AZIN2: variants seen among roughly 807,000 people sequenced by gnomAD.
AZIN2 encodes the protein antizyme inhibitor 2.
In AZIN2, 28 loss-of-function variants were observed where a neutral mutation model predicts 47.8. The observed-to-expected ratio is 0.59, with a 90% CI of 0.43 to 0.80. The LOEUF (loss-of-function observed/expected upper bound fraction) is 0.80. Among genes scored for constraint, AZIN2 ranks in the 30% least tolerant of loss-of-function variants. The probability of loss-of-function intolerance (pLI) is 0.00; values close to 1 mark genes in which losing one functional copy is unlikely to be tolerated. For synonymous variants in AZIN2, 221 were observed against 239.4 expected (o/e 0.92, Z 0.71); for missense variants, 535 against 582.5 (o/e 0.92, Z 0.84).
the AZIN2 span, chr1:33,147,452 C>T: frequency 1.2e-5 from 19 of 1,613,880 alleles, no homozygotes; most frequent in African/African-American, 1.3e-5. This position sits in a 1 kb window ranked among gnomAD's most constrained non-coding sequence, Gnocchi z 8.1. Flanking sequence ...CAGTAGAAGC[C>T]GCGGCTGGGC....
chr1:33,098,487 C>T (rs1643390168), intron 10 of AZIN2, among the ~76,000 whole-genome samples: 1 of 152,118 alleles, frequency 6.6e-6, no homozygotes, highest in Admixed American at 6.5e-5. Context: ...GTATTTTAAC[C>T]AATCTAACTC....
the AZIN2 span, among the ~76,000 whole-genome samples, chr1:33,158,805 C>T: frequency 6.6e-6 from 1 of 152,004 alleles, no homozygotes; most frequent in Non-Finnish European, 1.5e-5. Flanking sequence ...CCTTGGCCAA[C>T]TGATGTAGCT....
At position 33,121,108 on chromosome 1, in the gene AZIN2, A is replaced by T. The variant is rs774825310; in HGVS notation, c.*926A>T. ...CTTATCAGGACAAAGGCTCCTTCACACTGCCGGGTTCCCAAATTATGCCCC... is the reference window on the plus strand; with the variant it reads ...CTTATCAGGACAAAGGCTCCTTCACTCTGCCGGGTTCCCAAATTATGCCCC... On this transcript the variant is annotated 3_prime_UTR_variant, in exon 12 of 12. Transcript: ENST00000294517. Among the ~76,000 whole-genome samples, 3 of 152,124 alleles carry T rather than the reference A, an allele frequency of 2.0e-5. No homozygotes were observed. Among genetic ancestry groups the T allele is most frequent in the Admixed American group, 1.3e-4 (2 of 15,278 alleles).
At chr1:33,158,168 G>A in the AZIN2 span, 5 of 1,261,926 alleles carry the variant, frequency 4.0e-6, no homozygotes, top group East Asian at 7.0e-5. Context: ...CACCCCAACT[G>A]CCCCATGCTG....
At chr1:33,148,947 CTT>C in the AZIN2 span, among the ~76,000 whole-genome samples, 1 of 152,322 alleles carries the variant, frequency 6.6e-6, no homozygotes, top group South Asian at 2.1e-4. Flanking sequence ...AGCGCCAGTC[CTT>C]TCTCCCAGCC....
the AZIN2 span, among the ~76,000 whole-genome samples, chr1:33,151,135 A>G: frequency 6.6e-6 from 1 of 152,006 alleles, no homozygotes; most frequent in Admixed American, 6.5e-5. Flanking sequence ...GAGGGAGACA[A>G]GGGGGCTCTC....
chr1:33,090,879 A>G (rs1455694525), intron 5 of AZIN2, among the ~76,000 whole-genome samples: 2 of 152,296 alleles, frequency 1.3e-5, no homozygotes, highest in African/African-American at 4.8e-5. Flanking sequence ...GCCCTTGGCA[A>G]CCACCATTCT....
At chr1:33,086,681 C>G (rs556862875) in intron 5 of AZIN2, among the ~76,000 whole-genome samples, 2 of 152,238 alleles carry the variant, frequency 1.3e-5, no homozygotes, top group African/African-American at 4.8e-5. Flanking sequence ...TGCTCGGGGA[C>G]TCTGGTCTAC....
intron 10 of AZIN2, among the ~76,000 whole-genome samples, chr1:33,107,852 C>T (rs1644091377): frequency 6.6e-6 from 1 of 152,030 alleles, no homozygotes; most frequent in South Asian, 2.1e-4. Flanking sequence ...GAAAGATACC[C>T]CATGTTTGTG....
In AZIN2 at chr1:33,121,712, G is replaced by A. The variant is rs1644798843; in HGVS notation, c.*1530G>A. On this transcript the variant is annotated 3_prime_UTR_variant, in exon 12 of 12. Coordinates refer to ENST00000294517, the MANE Select transcript of AZIN2 (RefSeq NM_052998.4). Reference sequence around the variant, plus strand: ...CCATTTTTCCCATTCCCCAGTCCCTGATGACACAAATCTACCTTCCATCTC... The same window carrying A: ...CCATTTTTCCCATTCCCCAGTCCCTAATGACACAAATCTACCTTCCATCTC... Among the ~76,000 whole-genome samples, 1 of 152,198 alleles carries A rather than the reference G, an allele frequency of 6.6e-6. No homozygotes were observed. The highest frequency in any genetic ancestry group is 1.5e-5 in the Non-Finnish European group (1 of 68,028).
chr1:33,129,545 T>G, the AZIN2 span, among the ~76,000 whole-genome samples: 1 of 152,206 alleles, frequency 6.6e-6, no homozygotes, highest in African/African-American at 2.4e-5. The surrounding 1 kb of genome is among the most constrained non-coding windows in gnomAD (Gnocchi z 4.1). Flanking sequence ...GCATTGTGCA[T>G]GCACTCAGCT....
At chr1:33,158,280 TC>T in the AZIN2 span, 4 of 1,614,038 alleles carry the variant, frequency 2.5e-6, no homozygotes, top group South Asian at 4.4e-5. Flanking sequence ...AACAGGGACT[TC>T]CAGATGGTGT....
downstream of AZIN2, among the ~76,000 whole-genome samples, chr1:33,126,448 G>A (rs935802730): frequency 6.6e-6 from 1 of 152,154 alleles, no homozygotes; most frequent in African/African-American, 2.4e-5. Flanking sequence ...ACTTTCTAGT[G>A]TGATCTGGAA....
In AZIN2 at chr1:33,098,114, G is replaced by T. The variant is rs146499641; in HGVS notation, c.964G>T (p.Gly322Cys). 1.9e-6 allele frequency: 3 copies of T among 1,614,062 alleles called. No individual in the cohort carries two copies. The African/African-American group carries it at 4.0e-5, about 22-fold the overall frequency. ...GACCATCGTGTACCACCTTGATGAGGGCGTGTATGGGATCTTCAACTCAGT... is the reference window on the plus strand; with the variant it reads ...GACCATCGTGTACCACCTTGATGAGTGCGTGTATGGGATCTTCAACTCAGT... ...SKTIVYHLDE[G>C]VYGIFNSVLF... Residue 322 changes from glycine (G) to cysteine (C), a missense_variant, in exon 10 of 12, where the codon GGC (glycine) becomes TGC (cysteine). Transcript: ENST00000294517.
chr1:33,133,118 G>GC, the AZIN2 span, among the ~76,000 whole-genome samples: 1 of 152,186 alleles, frequency 6.6e-6, no homozygotes, highest in East Asian at 1.9e-4. Flanking sequence ...GGCAGCCTTG[G>GC]CCCATAGTCA....
chr1:33,138,069 C>T, the AZIN2 span, among the ~76,000 whole-genome samples: 6 of 152,118 alleles, frequency 3.9e-5, no homozygotes, highest in South Asian at 2.1e-4. Context: ...GATTTCAGCT[C>T]AGGGGAGGTG....
chr1:33,099,173 AC>A (rs1217693778), intron 10 of AZIN2, among the ~76,000 whole-genome samples: 4 of 151,706 alleles, frequency 2.6e-5, no homozygotes. Flanking sequence ...TCCCTTCCCA[AC>A]CTATCCAGTT....
intron 10 of AZIN2, among the ~76,000 whole-genome samples, chr1:33,114,355 CTTTTTTTTTTTTTTTT>C (rs1644427168): frequency 1.7e-5 from 2 of 115,964 alleles, no homozygotes; most frequent in Admixed American, 9.7e-5. Flanking sequence ...TTTTTCTTTT[CTTTTTTTTTTTTTTTT>C]GAGATGGAGT....
At chr1:33,127,472 A>G (rs918586391), downstream of AZIN2, among the ~76,000 whole-genome samples, 2 of 152,196 alleles carry the variant, frequency 1.3e-5, no homozygotes, top group African/African-American at 4.8e-5. Context: ...ACCTCAACCA[A>G]TGTTAAACCG....
Sources: allele counts gnomAD v4.1 joint callset (sites outside exome capture counted in the v4.1 genomes callset), GRCh38; gene constraint gnomAD v4.1.1; non-coding constraint Gnocchi (gnomAD v3.1); transcripts MANE v1.5; gene names NCBI Gene and HGNC (gene_info 2026-07-23, HGNC 2026-07-21).